The following LARGE1 variants were observed in gnomAD, a reference collection of about 807,000 sequenced individuals.
The protein encoded by LARGE1 is LARGE xylosyl- and glucuronyltransferase 1, also known as xylosyl- and glucuronyltransferase LARGE1.
A neutral mutation model predicts 87.6 loss-of-function variants in LARGE1; 43 were observed. The observed-to-expected ratio is 0.49, with a 90% CI of 0.38 to 0.63. LARGE1 has a LOEUF of 0.63. LARGE1 is among the 30% of genes least tolerant of loss of function. The pLI is 0.00. For missense variants in LARGE1, 802 were observed against 1,000.2 expected (o/e 0.80, Z 2.67); for synonymous variants, 434 against 394.6 (o/e 1.10, Z -1.18).
chr22:33,305,838 CTTTTTCT>C (rs1336823115), intron 11 of LARGE1, among the ~76,000 whole-genome samples: 1 of 126,488 alleles, frequency 7.9e-6, no homozygotes, highest in African/African-American at 3.2e-5. Flanking sequence ...ATTTCTTTTT[CTTTTTCT>C]TTTTTTTTTT....
At chr22:33,724,639 GAACAA>G (rs2083212057) in intron 2 of LARGE1, among the ~76,000 whole-genome samples, 1 of 152,220 alleles carries the variant, frequency 6.6e-6, no homozygotes, top group South Asian at 2.1e-4. Flanking sequence ...AGAAAATGGT[GAACAA>G]AGGCTCTGCA....
At chr22:33,921,527 G>A (rs1269598454), upstream of LARGE1, among the ~76,000 whole-genome samples, 1 of 152,248 alleles carries the variant, frequency 6.6e-6, no homozygotes, top group East Asian at 1.9e-4. The surrounding 1 kb of genome is among the most constrained non-coding windows in gnomAD (Gnocchi z 4.1). Flanking sequence ...CTCGGAGGTG[G>A]GCATGCTGTG....
intron 1 of LARGE1, among the ~76,000 whole-genome samples, chr22:33,792,032 A>T (rs775029618): frequency 6.6e-6 from 1 of 152,202 alleles, no homozygotes; most frequent in African/African-American, 2.4e-5. Context: ...CAGAGAGCCT[A>T]AATGCAGAGC....
intron 3 of LARGE1, among the ~76,000 whole-genome samples, chr22:33,636,873 G>A (rs977697590): frequency 7.2e-5 from 11 of 152,080 alleles, no homozygotes; most frequent in Non-Finnish European, 1.2e-4. Flanking sequence ...GAGATGACTC[G>A]CGTAAAGGGA....
chr22:33,503,058 T>TAC (rs1403053979), intron 6 of LARGE1, among the ~76,000 whole-genome samples: 1 of 152,184 alleles, frequency 6.6e-6, no homozygotes, highest in Non-Finnish European at 1.5e-5. Flanking sequence ...TCAGAAACTC[T>TAC]ACAGCATGGC....
chr22:33,250,247 G>C (rs1454667747), intron 11 of LARGE1, among the ~76,000 whole-genome samples: 1 of 152,090 alleles, frequency 6.6e-6, no homozygotes, highest in African/African-American at 2.4e-5. Flanking sequence ...TATTTTGTTA[G>C]ATTTTTACCT....
chr22:33,161,495 A>C (rs1452358490), downstream of LARGE1, among the ~76,000 whole-genome samples: 6 of 152,202 alleles, frequency 3.9e-5, no homozygotes, highest in African/African-American at 9.7e-5. Flanking sequence ...TGTAAAATCA[A>C]AAGCAAGTTA....
At chr22:33,794,462 T>C (rs2085920055) in intron 1 of LARGE1, among the ~76,000 whole-genome samples, 1 of 152,204 alleles carries the variant, frequency 6.6e-6, no homozygotes, top group Non-Finnish European at 1.5e-5. Context: ...GCCAGGCAAC[T>C]GTCAGGGTGA....
intron 2 of LARGE1, among the ~76,000 whole-genome samples, chr22:33,684,912 T>G (rs1045288768): frequency 1.3e-5 from 2 of 152,194 alleles, no homozygotes; most frequent in African/African-American, 2.4e-5. Context: ...TTCTTCAAGG[T>G]GATGAATGAT....
intron 2 of LARGE1, among the ~76,000 whole-genome samples, chr22:33,699,958 T>C (rs1359799079): frequency 6.6e-6 from 1 of 150,812 alleles, no homozygotes; most frequent in African/African-American, 2.5e-5. Context: ...CATGTCTATT[T>C]TGTCTATTTT....
intron 6 of LARGE1, among the ~76,000 whole-genome samples, chr22:33,512,842 T>C (rs763515031): frequency 1.3e-5 from 2 of 152,190 alleles, no homozygotes; most frequent in South Asian, 2.1e-4. Context: ...CTTCAGGTAG[T>C]AGGAGATGTA....
intron 1 of LARGE1, among the ~76,000 whole-genome samples, chr22:33,781,398 G>A (rs1046758029): frequency 1.3e-5 from 2 of 152,158 alleles, no homozygotes; most frequent in African/African-American, 4.8e-5. Flanking sequence ...CTACTCGGGA[G>A]GCTGAGGCAG....
chr22:33,279,910 A>G (rs541535041), intron 13 of LARGE1, among the ~76,000 whole-genome samples: 6 of 152,308 alleles, frequency 3.9e-5, no homozygotes, highest in African/African-American at 1.2e-4. Context: ...CAGGGTTCAA[A>G]TCCCACCTCT....
At chr22:33,414,450 G>T (rs2066416746) in intron 7 of LARGE1, among the ~76,000 whole-genome samples, 1 of 152,094 alleles carries the variant, frequency 6.6e-6, no homozygotes, top group South Asian at 2.1e-4. Context: ...GGGAGAAAAG[G>T]TTGAGGGCTG....
At chr22:33,907,800 T>C (rs914747951) in intron 1 of LARGE1, among the ~76,000 whole-genome samples, 23 of 152,098 alleles carry the variant, frequency 1.5e-4, no homozygotes, top group African/African-American at 4.6e-4. Flanking sequence ...GGTTTCACCA[T>C]GTTAGCCAGG....
chr22:33,856,149 C>A (rs1025390989), intron 1 of LARGE1, among the ~76,000 whole-genome samples: 2 of 152,178 alleles, frequency 1.3e-5, no homozygotes, highest in African/African-American at 4.8e-5. Flanking sequence ...AAGAACCAAA[C>A]TTCCACTGAA....
intron 2 of LARGE1, among the ~76,000 whole-genome samples, chr22:33,757,254 C>T (rs938938434): frequency 6.6e-6 from 1 of 152,182 alleles, no homozygotes; most frequent in African/African-American, 2.4e-5. Context: ...ATGCATTGAT[C>T]CTGCTTCCAT....
chr22:33,684,976 G>C (rs1458945573), intron 2 of LARGE1, among the ~76,000 whole-genome samples: 1 of 152,158 alleles, frequency 6.6e-6, no homozygotes, highest in Non-Finnish European at 1.5e-5. Context: ...TCAGGTGTAT[G>C]GGGGGTGGAG....
chr22:33,741,892 G>A (rs914112211), intron 2 of LARGE1, among the ~76,000 whole-genome samples: 1 of 152,174 alleles, frequency 6.6e-6, no homozygotes, highest in Non-Finnish European at 1.5e-5. Flanking sequence ...TGGAGCCTCT[G>A]TTCGGGCAAA....
Sources: gnomAD v4.1 joint callset for allele counts (sites outside exome capture counted in the v4.1 genomes callset) on GRCh38, gnomAD v4.1.1 for gene constraint, Gnocchi (gnomAD v3.1) non-coding constraint, MANE v1.5 for transcripts, NCBI Gene and HGNC (gene_info 2026-07-23, HGNC 2026-07-21) for gene names.